Variants in PEX14 observed in about 807,000 individuals in gnomAD.
The protein encoded by PEX14 is peroxisomal biogenesis factor 14.
A neutral mutation model predicts 49.5 loss-of-function variants in PEX14; 15 were observed. That is an observed-to-expected ratio of 0.30 (90% confidence interval 0.20 to 0.47). The LOEUF (loss-of-function observed/expected upper bound fraction) is 0.47. Ranked by LOEUF, PEX14 falls within the 20% of genes least tolerant of loss-of-function variation. The pLI is 1.00. For missense variants in PEX14, 398 were observed against 494.8 expected, an observed-to-expected ratio of 0.80 and a Z score of 1.86; for synonymous variants, 210 against 212.7, an observed-to-expected ratio of 0.99 and a Z score of 0.11.
At chr1:10,490,700 CTTT>C (rs34914348) in intron 1 of PEX14, among the ~76,000 whole-genome samples, 2 of 132,600 alleles carry the variant, frequency 1.5e-5, no homozygotes, top group Non-Finnish European at 1.6e-5. Context: ...GTTTCTAAGC[CTTT>C]TTTTTTTTTT....
At chr1:10,598,419 A>G (rs541259889) in intron 3 of PEX14, among the ~76,000 whole-genome samples, 76 of 152,284 alleles carry the variant, frequency 5.0e-4, no homozygotes, top group African/African-American at 1.8e-3. Context: ...CTGTGTCCCC[A>G]CTGGAAATGC....
chr1:10,503,281 C>CA (rs59342388), intron 2 of PEX14, among the ~76,000 whole-genome samples: 756 of 75,464 alleles, frequency 0.01, 28 homozygotes, highest in African/African-American at 0.04. Context: ...GACTCTGTCT[C>CA]AAAAAAAAAA....
rs112475223 is a variant in PEX14 at position 10,506,520 on chromosome 1, G to A, written c.84+11199G>A. ...TTGAACTTGCGACCTCAGGTGATCCGCCCGCCTCGGCCTCCCAAAGTTCTG... is the reference window on the plus strand; with the variant it reads ...TTGAACTTGCGACCTCAGGTGATCCACCCGCCTCGGCCTCCCAAAGTTCTG... On this transcript the variant is annotated intron_variant, in intron 2 of 8. Transcript: ENST00000356607. Among the ~76,000 whole-genome samples, 1,145 of 152,256 alleles carry A rather than the reference G, an allele frequency of 7.5e-3. 16 individuals are homozygous for A. The highest frequency in any genetic ancestry group is 0.026 in the African/African-American group (1,071 of 41,556).
chr1:10,547,486 G>A lies in PEX14; in HGVS notation c.169+11189G>A, dbSNP rs72641412. ...TCCCCGCCTTAACCACGGAGGAGAC[G>A]TTCCAAGACCTCCAGTGGATGCCTG... On this transcript the variant is annotated intron_variant, in intron 3 of 8. Transcript: ENST00000356607. Among the ~76,000 whole-genome samples, 1,286 of 152,280 alleles carry A rather than the reference G, an allele frequency of 8.4e-3. 9 individuals are homozygous for A. The highest frequency in any genetic ancestry group is 0.011 in the Non-Finnish European group (768 of 68,022).
In PEX14 at chr1:10,623,197, CCTCTGTCTCCA is replaced by C; in HGVS notation, c.487+81_487+91del. 1 of 890,098 alleles carries C rather than the reference CCTCTGTCTCCA, an allele frequency of 1.1e-6. No homozygotes were observed. Among genetic ancestry groups the C allele is most frequent in the South Asian group, 1.4e-5 (1 of 71,416 alleles). 55.1% of individuals were successfully genotyped at this position (890,098 alleles called of 1,614,324 possible). A position where few individuals can be genotyped will look rare whatever the true frequency, so the allele number is the denominator to read the frequency against. The stretch of plus-strand genomic sequence containing the variant: ...GCCCCTTCTCTGCCCCTCCCCTCTC[CCTCTGTCTCCA>C]CTCTATGTGGTGACTTCATTTATCT... On this transcript the variant is annotated intron_variant, in intron 6 of 8. Transcript: ENST00000356607. This position sits in a 1 kb window ranked among gnomAD's most constrained non-coding sequence, Gnocchi z 4.4.
At chr1:10,554,214 G>A (rs1048568264) in intron 3 of PEX14, among the ~76,000 whole-genome samples, 2 of 151,314 alleles carry the variant, frequency 1.3e-5, no homozygotes, top group African/African-American at 4.9e-5. Flanking sequence ...TGAGGCAGGA[G>A]GATGGCGTGA....
intron 3 of PEX14, among the ~76,000 whole-genome samples, chr1:10,594,808 C>G (rs1035853136): frequency 1.0e-5 from 1 of 95,470 alleles, no homozygotes; most frequent in Non-Finnish European, 2.2e-5. Context: ...GGAAAGGACC[C>G]TAGGGCATCA....
intron 2 of PEX14, among the ~76,000 whole-genome samples, chr1:10,518,681 CTT>C (rs1393345982): frequency 1.3e-5 from 2 of 152,154 alleles, no homozygotes; most frequent in Non-Finnish European, 2.9e-5. Flanking sequence ...AAATAAATAA[CTT>C]TTGAAGAAGG....
Position 10,523,928 on chromosome 1 carries a change from A to G in PEX14, c.85-12285A>G, listed in dbSNP as rs567625978. ...CCTCGTCAATTTGGGGCATAATGAA[A>G]TATAAAAAATACTCAATAAAAGCTC... is the stretch of plus-strand genomic sequence containing the variant. On this transcript the variant is annotated intron_variant, in intron 2 of 8. Transcript: ENST00000356607. 5.3e-5 allele frequency among the ~76,000 whole-genome samples: 8 copies of G among 152,260 alleles called. No individual in the cohort carries two copies. In the South Asian group the frequency reaches 1.7e-3, roughly 32 times the overall value.
chr1:10,624,096 C>T (rs1171607523), intron 6 of PEX14, among the ~76,000 whole-genome samples: 3 of 151,988 alleles, frequency 2.0e-5, no homozygotes, highest in East Asian at 1.9e-4. Flanking sequence ...AGGTTCTGGA[C>T]GGATATACTG....
In PEX14 at chr1:10,577,794, G is replaced by A. The variant is rs1640195360; in HGVS notation, c.170-21444G>A. Among the ~76,000 whole-genome samples the A allele has an allele frequency of 4.7e-5, 7 of 149,218 alleles. No homozygotes were observed. In the South Asian group the frequency reaches 1.1e-3, roughly 23 times the overall value. ...TTTTTGTATTTTTTTTAGTAGAGAC[G>A]GTTTCACCGTGTTAGCCAGGATGGT... On this transcript the variant is annotated intron_variant, in intron 3 of 8. Coordinates refer to ENST00000356607, the MANE Select transcript of PEX14 (RefSeq NM_004565.3).
intron 1 of PEX14, among the ~76,000 whole-genome samples, chr1:10,477,170 A>G (rs1216672470): frequency 6.6e-6 from 1 of 151,318 alleles, no homozygotes; most frequent in African/African-American, 2.4e-5. Context: ...TCCTGGGTTC[A>G]CGCCATTCTC....
rs574868464 is a variant in PEX14 at position 10,486,690 on chromosome 1, T to TC, written c.37-8584_37-8583insC. 0.024 allele frequency among the ~76,000 whole-genome samples: 462 copies of TC among 18,904 alleles called. 4 individuals carry two copies. In the South Asian group the frequency reaches 0.26, roughly 11 times the overall value. 12.4% of individuals were successfully genotyped at this position (18,904 alleles called of 152,430 possible). ...GGCTGAAAGATGGAGACTCTGTCTC[T>TC]TTTTTTTTTTTTTTTGAGACAGACT... On this transcript the variant is annotated intron_variant, in intron 1 of 8. Coordinates refer to ENST00000356607, the MANE Select transcript of PEX14 (RefSeq NM_004565.3).
At chr1:10,546,755 G>T (rs1020802057) in intron 3 of PEX14, among the ~76,000 whole-genome samples, 1 of 149,108 alleles carries the variant, frequency 6.7e-6, no homozygotes, top group Non-Finnish European at 1.5e-5. Flanking sequence ...TATAGTCCCC[G>T]CTGCTCAGGA....
chr1:10,585,659 C>G (rs1640460004), intron 3 of PEX14, among the ~76,000 whole-genome samples: 1 of 152,230 alleles, frequency 6.6e-6, no homozygotes, highest in Non-Finnish European at 1.5e-5. Context: ...GTGGCTCACA[C>G]CTATAATCCC....
intron 2 of PEX14, among the ~76,000 whole-genome samples, chr1:10,515,657 C>T (rs745434891): frequency 3.3e-5 from 5 of 152,144 alleles, no homozygotes; most frequent in Non-Finnish European, 4.4e-5. Context: ...CTAAATGTTT[C>T]CACTTCATAG....
intron 2 of PEX14, among the ~76,000 whole-genome samples, chr1:10,534,305 G>A (rs1391413810): frequency 6.6e-6 from 1 of 152,050 alleles, no homozygotes; most frequent in Non-Finnish European, 1.5e-5. Context: ...GCCAGTGACT[G>A]GGTACCTGTT....
intron 3 of PEX14, among the ~76,000 whole-genome samples, chr1:10,559,677 GTAAA>G (rs765306880): frequency 3.9e-5 from 6 of 152,204 alleles, no homozygotes; most frequent in Non-Finnish European, 8.8e-5. Context: ...GGCCGAAAGA[GTAAA>G]TGAAACATGG....
At chr1:10,546,596 G>A (rs1231680250) in intron 3 of PEX14, among the ~76,000 whole-genome samples, 3 of 146,078 alleles carry the variant, frequency 2.1e-5, no homozygotes, top group Non-Finnish European at 4.5e-5. Flanking sequence ...GCTAGGTGCG[G>A]TGGCTCACGC....
Sources: gnomAD v4.1 joint callset for allele counts (sites outside exome capture counted in the v4.1 genomes callset) on GRCh38, gnomAD v4.1.1 for gene constraint, Gnocchi (gnomAD v3.1) non-coding constraint, MANE v1.5 for transcripts, NCBI Gene and HGNC (gene_info 2026-07-23, HGNC 2026-07-21) for gene names.